PABIR3: variants seen among roughly 807,000 people sequenced by gnomAD.
PABIR3 encodes the protein PABIR family member 1.
In PABIR3, 20 loss-of-function variants were observed where a neutral mutation model predicts 23.1. The observed-to-expected ratio is 0.86, with a 90% confidence interval of 0.61 to 1.26. The LOEUF (loss-of-function observed/expected upper bound fraction) is 1.26, where lower values mean the gene tolerates loss of function less well. PABIR3 is among the 50% of genes most tolerant of loss of function. The pLI is 0.00. For missense variants in PABIR3, 189 were observed against 195.4 expected (o/e 0.97, Z 0.20); for synonymous variants, 69 against 68.5 (o/e 1.01, Z -0.04).
chrX:134,801,417 C>T (rs2080061397), intron 1 of PABIR3, among the ~76,000 whole-genome samples: 1 of 112,272 alleles, frequency 8.9e-6, no homozygotes, highest in Non-Finnish European at 1.9e-5. Context: ...TTGTTGATGA[C>T]TCATGTTTGA....
At chrX:134,844,492 TA>T (rs370484912) in intron 4 of PABIR3, among the ~76,000 whole-genome samples, 49 of 102,238 alleles carry the variant, frequency 4.8e-4, no homozygotes, top group African/African-American at 1.1e-3. Context: ...GGTGGGTTAT[TA>T]AAAAAAAAAA....
upstream of PABIR3, chrX:134,804,119 C>A: frequency 5.2e-6 from 4 of 776,553 alleles, no homozygotes; most frequent in South Asian, 6.9e-5. Flanking sequence ...CTGGGACAGA[C>A]GCAGCAGACT....
upstream of PABIR3, among the ~76,000 whole-genome samples, chrX:134,805,150 C>G (rs1481686236): frequency 9.0e-6 from 1 of 111,083 alleles, no homozygotes. Flanking sequence ...TTTACTTAAA[C>G]AGAAGGGCAG....
chrX:134,841,038 A>G (rs770423776), intron 4 of PABIR3, among the ~76,000 whole-genome samples: 1 of 110,939 alleles, frequency 9.0e-6, no homozygotes, highest in South Asian at 3.8e-4. Flanking sequence ...GGCTCACTGC[A>G]GCTTCAATCT....
At chrX:134,849,762 G>A (rs1013080735) in intron 9 of PABIR3, among the ~76,000 whole-genome samples, 5 of 109,175 alleles carry the variant, frequency 4.6e-5, no homozygotes, top group African/African-American at 1.7e-4. Flanking sequence ...AGTAATAAAA[G>A]GGCAGTGGAA....
rs758283591 is a variant in PABIR3, at chrX:134,847,421, C to T, written c.384C>T (p.Cys128=). 4.0e-5 allele frequency: 48 copies of T among 1,206,716 alleles called. No individual in the cohort carries two copies. The South Asian group carries it at 4.8e-4, about 12-fold the overall frequency. The part of the protein sequence containing the change: ...NGLQKSSSLK[C]IDLTPVSSMA... ...TACAGAAATCATCCTCTCTAAAGTG[C>T]ATTGATTTAACTCCAGTATCCTCAA... The change falls in exon 7 of 11, where the codon TGC becomes TGT. Residue 128 remains cysteine, a synonymous_variant. Coordinates refer to ENST00000645433, the MANE Select transcript of PABIR3 (RefSeq NM_001388447.1).
downstream of PABIR3, among the ~76,000 whole-genome samples, chrX:134,857,070 TATC>T (rs1361256626): frequency 2.7e-5 from 3 of 112,045 alleles, no homozygotes; most frequent in African/African-American, 6.5e-5. Context: ...GCTGAAGAAT[TATC>T]ATATCAGTTT....
chrX:134,810,055 T>C, intron 2 of PABIR3: 3 of 754,461 alleles, frequency 4.0e-6, no homozygotes, highest in Non-Finnish European at 3.1e-6. Context: ...GGACCCACTC[T>C]ACTAGTAGAA....
At chrX:134,857,344 G>C, downstream of PABIR3, among the ~76,000 whole-genome samples, 1 of 110,586 alleles carries the variant, frequency 9.0e-6, no homozygotes, top group African/African-American at 3.3e-5. Flanking sequence ...AGAATCCTGT[G>C]ATTCTCTCTG....
At chrX:134,845,281 A>C (rs1603243256) in intron 5 of PABIR3, 33 bp downstream of exon 5, 1 of 1,177,845 alleles carries the variant, frequency 8.5e-7, no homozygotes, top group East Asian at 3.0e-5. Context: ...CTATTCTGAT[A>C]ATTTGTATAC....
At chrX:134,862,526 A>G in the PABIR3 span, among the ~76,000 whole-genome samples, 1 of 112,105 alleles carries the variant, frequency 8.9e-6, no homozygotes, top group Middle Eastern at 4.6e-3. Context: ...CTGTAAGCTT[A>G]TATGCCAAAA....
At chrX:134,809,608 G>C (rs949521550) in intron 2 of PABIR3, 1 of 750,409 alleles carries the variant, frequency 1.3e-6, no homozygotes. Flanking sequence ...ACCTTTTGTT[G>C]CATCATACTA....
intron 2 of PABIR3, among the ~76,000 whole-genome samples, chrX:134,813,958 G>A (rs1297647339): frequency 3.7e-5 from 4 of 108,623 alleles, no homozygotes; most frequent in African/African-American, 1.3e-4. Context: ...AAGCCAGAAC[G>A]TTGGAATCTG....
chrX:134,810,236 CAG>C (rs2051500629), intron 2 of PABIR3: 6 of 753,145 alleles, frequency 8.0e-6, no homozygotes, highest in South Asian at 1.4e-4. Flanking sequence ...GCCCTGGAAA[CAG>C]AGAGATCTCA....
chrX:134,862,433 A>C, the PABIR3 span, among the ~76,000 whole-genome samples: 1 of 111,845 alleles, frequency 8.9e-6, no homozygotes, highest in Non-Finnish European at 1.9e-5. Flanking sequence ...TACAGGCGTG[A>C]GCCACCACAC....
At chrX:134,847,806 C>A in intron 7 of PABIR3, 77 bp from the exon 8 acceptor site, 1 of 826,941 alleles carries the variant, frequency 1.2e-6, no homozygotes, top group Non-Finnish European at 1.7e-6. Context: ...ACCATCCCTG[C>A]CCCTCCCTAG....
chrX:134,813,914 C>T (rs1603174604), intron 2 of PABIR3, among the ~76,000 whole-genome samples: 2 of 109,955 alleles, frequency 1.8e-5, no homozygotes, highest in African/African-American at 6.6e-5. Flanking sequence ...GGGAATGTGG[C>T]CCAGTGTTGC....
In PABIR3 at chrX:134,814,841, C is replaced by T. The variant is rs201102053; in HGVS notation, c.181C>T (p.Arg61Cys). ...RTNRTTFRNRRSLLLPPPPFH... is the reference protein window; with the variant it reads ...RTNRTTFRNRCSLLLPPPPFH... ...AAACAGAACAACATTTAGGAATCGA[C>T]GCTCTCTGGTAAGGAAATGCTTATA... Residue 61 changes from arginine to cysteine, a missense_variant, in exon 3 of 11, where the codon CGC (arginine) becomes TGC (cysteine). Physicochemically the swap from Arg to Cys is radical, Grantham distance 180. Transcript: ENST00000645433. The T allele has an allele frequency of 2.9e-5, 34 of 1,190,066 alleles. No homozygotes were observed. Among genetic ancestry groups the T allele is most frequent in the Middle Eastern group, 2.3e-4 (1 of 4,277 alleles).
chrX:134,810,523 G>T, intron 2 of PABIR3: 4 of 753,798 alleles, frequency 5.3e-6, no homozygotes, highest in Non-Finnish European at 6.3e-6. Flanking sequence ...TGAGATTAGG[G>T]GACTTGCCCA....
Sources: allele counts gnomAD v4.1 joint callset (sites outside exome capture counted in the v4.1 genomes callset), GRCh38; gene constraint gnomAD v4.1.1; transcripts MANE v1.5; gene names NCBI Gene and HGNC (gene_info 2026-07-23, HGNC 2026-07-21).